PDK1: variants seen among roughly 807,000 people sequenced by gnomAD.
PDK1 encodes pyruvate dehydrogenase kinase 1.
PDK1 carries 39 observed loss-of-function variants against 54.2 expected under a neutral mutation model. The ratio of observed to expected loss-of-function variants is 0.72; its 90% CI spans 0.56 to 0.94. PDK1 has a LOEUF of 0.94. Among genes scored for constraint, PDK1 ranks in the 40% least tolerant of loss-of-function variants. The pLI is 0.00. For missense variants in PDK1, 552 were observed against 566.0 expected (o/e 0.98, Z 0.25); for synonymous variants, 221 against 207.1 (o/e 1.07, Z -0.58).
the PDK1 span, among the ~76,000 whole-genome samples, chr2:172,705,851 T>C: frequency 6.6e-6 from 1 of 152,208 alleles, no homozygotes; most frequent in Non-Finnish European, 1.5e-5. Flanking sequence ...TAAACTTGAG[T>C]TTCTAAATCT....
At chr2:172,581,188 G>T (rs995536476) in intron 8 of PDK1, among the ~76,000 whole-genome samples, 1 of 152,124 alleles carries the variant, frequency 6.6e-6, no homozygotes, top group Non-Finnish European at 1.5e-5. Context: ...CGCCTCCCAG[G>T]TTCAAGCGAT....
Position 172,604,498 on chromosome 2 carries a change from A to T in PDK1, c.*8529A>T, listed in dbSNP as rs575701409. 5 of 152,146 alleles carry T rather than the reference A, an allele frequency of 3.3e-5. No homozygotes were observed. The highest frequency in any genetic ancestry group is 7.4e-5 in the Non-Finnish European group (5 of 67,966). The allele number at this position is 152,146 out of a possible 1,614,324, so 9.4% of individuals were successfully genotyped here. A position where few individuals can be genotyped will look rare whatever the true frequency, so the allele number is the denominator to read the frequency against. On this transcript the variant is annotated 3_prime_UTR_variant, in exon 11 of 11. Transcript: ENST00000282077. ...TTTTTTTTAACTTACAAATTTTTTT[A>T]AAAAAACGTTTTTCCTCTCCAATGT...
the PDK1 span, among the ~76,000 whole-genome samples, chr2:172,717,239 C>T: frequency 6.6e-6 from 1 of 152,172 alleles, no homozygotes; most frequent in African/African-American, 2.4e-5. Flanking sequence ...CTGAACTAAA[C>T]CTGTGTGCAT....
the PDK1 span, among the ~76,000 whole-genome samples, chr2:172,706,459 C>A: frequency 6.7e-6 from 1 of 149,730 alleles, no homozygotes; most frequent in Admixed American, 6.7e-5. Flanking sequence ...GGGTCTAGCT[C>A]TGTTGCCCAG....
the PDK1 span, among the ~76,000 whole-genome samples, chr2:172,661,640 A>G: frequency 6.6e-6 from 1 of 152,246 alleles, no homozygotes; most frequent in Non-Finnish European, 1.5e-5. Context: ...AAAAAATGAA[A>G]TTATGTCCTT....
chr2:172,690,253 C>T, the PDK1 span, among the ~76,000 whole-genome samples: 1 of 150,548 alleles, frequency 6.6e-6, no homozygotes. Context: ...TGAAAAAATG[C>T]TCATCGTCAC....
chr2:172,641,209 C>T, the PDK1 span, among the ~76,000 whole-genome samples: 290 of 151,594 alleles, frequency 1.9e-3, 2 homozygotes, highest in African/African-American at 4.8e-3. Context: ...TCACTGTAGC[C>T]TCAACTTCCT....
the PDK1 span, among the ~76,000 whole-genome samples, chr2:172,712,020 A>G: frequency 6.6e-6 from 1 of 151,962 alleles, no homozygotes; most frequent in Non-Finnish European, 1.5e-5. Flanking sequence ...ATTTACATAT[A>G]TAATGTACAT....
the PDK1 span, among the ~76,000 whole-genome samples, chr2:172,683,342 G>A: frequency 1.9e-4 from 6 of 31,590 alleles, no homozygotes; most frequent in Admixed American, 7.7e-4. Flanking sequence ...GCGAAACTCC[G>A]TCAAAAAAAA....
chr2:172,632,207 C>T, the PDK1 span, among the ~76,000 whole-genome samples: 9 of 151,826 alleles, frequency 5.9e-5, no homozygotes, highest in South Asian at 1.9e-3. Flanking sequence ...GCGGAGATTG[C>T]AGTGAGCTGA....
the PDK1 span, among the ~76,000 whole-genome samples, chr2:172,664,325 A>AAAAAAAAAAAAAAAAC: frequency 6.6e-6 from 1 of 150,484 alleles, no homozygotes; most frequent in Admixed American, 6.6e-5. Context: ...AAAAAAAAAA[A>AAAAAAAAAAAAAAAAC]AAAAAAAAAG....
the PDK1 span, among the ~76,000 whole-genome samples, chr2:172,709,468 C>T: frequency 1.3e-5 from 2 of 152,170 alleles, no homozygotes; most frequent in African/African-American, 2.4e-5. Context: ...GGAAAGGCAA[C>T]GCTCATCCCA....
downstream of PDK1, among the ~76,000 whole-genome samples, chr2:172,612,707 G>T (rs933200308): frequency 2.0e-5 from 3 of 151,574 alleles, no homozygotes; most frequent in African/African-American, 4.8e-5. Context: ...ACTGTTAATT[G>T]TCCAGGCTGG....
chr2:172,597,042 G>A lies in PDK1; in HGVS notation c.*1073G>A, dbSNP rs1238478625. The A allele has an allele frequency of 1.3e-5, 2 of 151,932 alleles. No homozygotes were observed. The highest frequency in any genetic ancestry group is 2.9e-5 in the Non-Finnish European group (2 of 68,006). The allele number at this position is 151,932 out of a possible 1,614,324, so 9.4% of individuals were successfully genotyped here. A position where few individuals can be genotyped will look rare whatever the true frequency, so the allele number is the denominator to read the frequency against. On this transcript the variant is annotated 3_prime_UTR_variant, in exon 11 of 11. Transcript: ENST00000282077. ...GGTGCAATTAGAAGCATAATTAGAA[G>A]CAGAAGAACAAAATGCCACGTAACC...
At chr2:172,722,225 C>T in the PDK1 span, among the ~76,000 whole-genome samples, 1 of 152,244 alleles carries the variant, frequency 6.6e-6, no homozygotes, top group Non-Finnish European at 1.5e-5. Flanking sequence ...CATACACTCC[C>T]ATCCCCCAAG....
intron 8 of PDK1, among the ~76,000 whole-genome samples, chr2:172,583,493 C>T (rs1174004184): frequency 3.3e-5 from 5 of 151,662 alleles, no homozygotes; most frequent in African/African-American, 1.2e-4. Context: ...AGGGTTTTGC[C>T]ATGTTGGCCA....
chr2:172,617,750 A>T, the PDK1 span, among the ~76,000 whole-genome samples: 3 of 152,122 alleles, frequency 2.0e-5, no homozygotes, highest in Non-Finnish European at 4.4e-5. Context: ...AAACATTCAA[A>T]CCATAGCATC....
chr2:172,602,135 A>G lies in PDK1; in HGVS notation c.*6166A>G, dbSNP rs1691136522. Reference sequence around the variant, plus strand: ...CTTTGAAATGAGAGAAAGCTACCCAACCCATTTCAGAAAGTTAGTAAAATC... The same window carrying G: ...CTTTGAAATGAGAGAAAGCTACCCAGCCCATTTCAGAAAGTTAGTAAAATC... On this transcript the variant is annotated 3_prime_UTR_variant, in exon 11 of 11. Coordinates refer to ENST00000282077, the MANE Select transcript of PDK1 (RefSeq NM_002610.5). 1 of 152,184 alleles carries G rather than the reference A, an allele frequency of 6.6e-6. No individual in the cohort carries two copies. Among genetic ancestry groups the G allele is most frequent in the Non-Finnish European group, 1.5e-5 (1 of 68,028 alleles). The allele number at this position is 152,184 out of a possible 1,614,324, so 9.4% of individuals were successfully genotyped here.
At chr2:172,662,493 C>CATGTGTGTGTGTGTGT in the PDK1 span, among the ~76,000 whole-genome samples, 76 of 143,614 alleles carry the variant, frequency 5.3e-4, no homozygotes, top group African/African-American at 1.6e-3. Context: ...TTTTTAAAAT[C>CATGTGTGTGTGTGTGT]GTGTGTGTGT....
Sources: gnomAD v4.1 joint callset for allele counts (sites outside exome capture counted in the v4.1 genomes callset) on GRCh38, gnomAD v4.1.1 for gene constraint, MANE v1.5 for transcripts, NCBI Gene and HGNC (gene_info 2026-07-23, HGNC 2026-07-21) for gene names.